Variants in IL16 observed in about 807,000 individuals in gnomAD.
The protein encoded by IL16 is interleukin 16.
IL16 carries 67 observed loss-of-function variants against 110.1 expected under a neutral mutation model. That is an observed-to-expected ratio of 0.61 (90% CI 0.50 to 0.75). The LOEUF is 0.75. Ranked by LOEUF, IL16 falls within the 30% of genes least tolerant of loss-of-function variation. The pLI is 0.00. For missense variants in IL16, 1,545 were observed against 1,655.0 expected, an observed-to-expected ratio of 0.93 and a Z score of 1.15; for synonymous variants, 689 against 662.9, an observed-to-expected ratio of 1.04 and a Z score of -0.61.
rs1900384245 is a variant in IL16, at chr15:81,303,231, T to C, written c.3319-318T>C. On this transcript the variant is annotated intron_variant, in intron 15 of 18. Transcript: ENST00000683961. This position sits in a 1 kb window ranked among gnomAD's most constrained non-coding sequence, Gnocchi z 4.1. Reference sequence around the variant, plus strand: ...TTACCTGAAGTCCTACAACCTGACTTCATCTCACACTGTCCAATATGCTGA... The same window carrying C: ...TTACCTGAAGTCCTACAACCTGACTCCATCTCACACTGTCCAATATGCTGA... 4.5e-6 allele frequency: 1 copy of C among 224,424 alleles called. No individual in the cohort carries two copies. The highest frequency in any genetic ancestry group is 8.8e-6 in the Non-Finnish European group (1 of 114,026). The allele number at this position is 224,424 out of a possible 1,614,324, so 13.9% of individuals were successfully genotyped here.
At chr15:81,222,591 C>T (rs1200012871) in intron 1 of IL16, among the ~76,000 whole-genome samples, 2 of 140,972 alleles carry the variant, frequency 1.4e-5, no homozygotes, top group African/African-American at 6.4e-5. Context: ...TCACAGGCAG[C>T]CTCTCTACAT....
rs574212866 is a variant in IL16 at position 81,188,626 on chromosome 15, C to T, written c.40+5730C>T. 3.3e-5 allele frequency among the ~76,000 whole-genome samples: 5 copies of T among 152,246 alleles called. No homozygotes were observed. The South Asian group carries it at 6.2e-4, about 19-fold the overall frequency. On this transcript the variant is annotated intron_variant, in intron 1 of 18. Transcript: ENST00000302987. ...ACCCCTCCTGTGACTAGGGTGTGCA[C>T]GTGCATACGTATGCCTGTAACAGGT...
chr15:81,205,706 A>T (rs1895991674), intron 1 of IL16, among the ~76,000 whole-genome samples: 1 of 152,156 alleles, frequency 6.6e-6, no homozygotes, highest in Non-Finnish European at 1.5e-5. Context: ...AGTTTAAAAA[A>T]GGGAAACAAA....
At chr15:81,211,013 T>G (rs1896220397) in intron 1 of IL16, among the ~76,000 whole-genome samples, 1 of 152,150 alleles carries the variant, frequency 6.6e-6, no homozygotes, top group African/African-American at 2.4e-5. Context: ...TGAGTTATCT[T>G]CCTTAGATGC....
At chr15:81,296,557 G>A (rs542726967) in intron 12 of IL16, among the ~76,000 whole-genome samples, 14 of 152,268 alleles carry the variant, frequency 9.2e-5, no homozygotes, top group Non-Finnish European at 1.6e-4. Flanking sequence ...TTGTTTCTAC[G>A]CTGCCCTATA....
At chr15:81,187,940 G>A (rs757805363) in intron 1 of IL16, among the ~76,000 whole-genome samples, 1 of 152,166 alleles carries the variant, frequency 6.6e-6, no homozygotes, top group Non-Finnish European at 1.5e-5. Flanking sequence ...TAGGGTTGCA[G>A]TTTTGGGTTC....
chr15:81,283,029 C>T (rs936636287), intron 9 of IL16, among the ~76,000 whole-genome samples: 1 of 152,190 alleles, frequency 6.6e-6, no homozygotes, highest in Admixed American at 6.5e-5. Context: ...CCTCTCCAGG[C>T]CACTGGGAGG....
rs775015723 is a variant in IL16 at position 81,279,605 on chromosome 15, G to A, written c.912G>A (p.Thr304=). 33 of 1,613,854 alleles carry A rather than the reference G, an allele frequency of 2.0e-5. No homozygotes were observed. Among genetic ancestry groups the A allele is most frequent in the East Asian group, 4.5e-5 (2 of 44,890 alleles). ...CCCTCACCGTGAGAACCCGCCTGAC[G>A]GCGCCTCCTTCCCTGTGCAGCCACC... The part of the protein sequence containing the change: ...LLTLTVRTRL[T]APPSLCSHLS... Residue 304 remains threonine (T), a synonymous_variant, in exon 8 of 19, where the codon ACG becomes ACA. Transcript: ENST00000683961.
chr15:81,235,688 A>T (rs1897156366), intron 2 of IL16, among the ~76,000 whole-genome samples: 1 of 152,172 alleles, frequency 6.6e-6, no homozygotes, highest in Non-Finnish European at 1.5e-5. Flanking sequence ...CTGGAACCCC[A>T]TGTTTTACGA....
intron 12 of IL16, chr15:81,295,552 T>A (rs1899944244): frequency 4.8e-6 from 6 of 1,255,386 alleles, no homozygotes; most frequent in Non-Finnish European, 5.2e-6. Flanking sequence ...ATGTAATTTC[T>A]CTTGTGGACA....
At chr15:81,232,042 GTTTTTTTTTTT>G in intron 2 of IL16, among the ~76,000 whole-genome samples, 33 of 57,702 alleles carry the variant, frequency 5.7e-4, no homozygotes, top group East Asian at 2.0e-3. Flanking sequence ...ATTTGTTCTT[GTTTTTTTTTTT>G]TTTTTTTTTT....
At position 81,231,324 on chromosome 15, in the gene IL16, G is replaced by GTCTCTCTCTCTCTCTCTCTC. The variant is rs532872365; in HGVS notation, c.312+5652_312+5671dup. ...GGGGAGATCTACCCAAGGTCGGTCT[G>GTCTCTCTCTCTCTCTCTCTC]TCTCTCTCTCTCTCTCTCTCTCTCT... On this transcript the variant is annotated intron_variant, in intron 2 of 18. Coordinates refer to ENST00000683961, the MANE Select transcript of IL16 (RefSeq NM_172217.5). 2.5e-4 allele frequency among the ~76,000 whole-genome samples: 12 copies of GTCTCTCTCTCTCTCTCTCTC among 47,144 alleles called. 1 individual carries two copies. The highest frequency in any genetic ancestry group is 3.8e-4 in the Non-Finnish European group (9 of 23,724). The allele number at this position is 47,144 out of a possible 152,430, so 30.9% of individuals were successfully genotyped here.
intron 1 of IL16, among the ~76,000 whole-genome samples, chr15:81,221,434 T>C (rs1210449636): frequency 6.6e-6 from 1 of 152,192 alleles, no homozygotes; most frequent in Non-Finnish European, 1.5e-5. Context: ...GCAGCTGGAC[T>C]GGAGGAATGG....
At chr15:81,221,433 C>T (rs1465404648) in intron 1 of IL16, among the ~76,000 whole-genome samples, 2 of 152,188 alleles carry the variant, frequency 1.3e-5, no homozygotes, top group Non-Finnish European at 1.5e-5. Flanking sequence ...GGCAGCTGGA[C>T]TGGAGGAATG....
intron 1 of IL16, among the ~76,000 whole-genome samples, chr15:81,204,932 TA>T (rs72071083): frequency 0.08 from 12,204 of 151,810 alleles, 506 homozygotes; most frequent in Middle Eastern, 0.096. Context: ...ACCATGATGA[TA>T]AAAAAATTGA....
intron 2 of IL16, among the ~76,000 whole-genome samples, chr15:81,243,415 G>T (rs1897421007): frequency 6.6e-6 from 1 of 151,206 alleles, no homozygotes; most frequent in South Asian, 2.1e-4. Context: ...AAACTCCTGA[G>T]CTCAAGCAAT....
chr15:81,291,043 ACT>A (rs1216140881), intron 11 of IL16, among the ~76,000 whole-genome samples: 2 of 152,068 alleles, frequency 1.3e-5, no homozygotes, highest in African/African-American at 4.8e-5. Context: ...GCCCTCAGAG[ACT>A]CTCTTACTCA....
chr15:81,224,743 G>A (rs193242967), intron 1 of IL16, among the ~76,000 whole-genome samples: 251 of 152,312 alleles, frequency 1.6e-3, no homozygotes, highest in Non-Finnish European at 3.0e-3. Flanking sequence ...GAGGACATAA[G>A]ACATCAGTGG....
At chr15:81,185,723 G>T (rs1372827978) in intron 1 of IL16, among the ~76,000 whole-genome samples, 1 of 152,202 alleles carries the variant, frequency 6.6e-6, no homozygotes, top group South Asian at 2.1e-4. Flanking sequence ...AGAGGGTTAA[G>T]TTCTATGGGA....
Sources: gnomAD v4.1 joint callset for allele counts (sites outside exome capture counted in the v4.1 genomes callset) on GRCh38, gnomAD v4.1.1 for gene constraint, Gnocchi (gnomAD v3.1) non-coding constraint, MANE v1.5 for transcripts, NCBI Gene and HGNC (gene_info 2026-07-23, HGNC 2026-07-21) for gene names.